Variants in ZNF469 observed in about 807,000 individuals in gnomAD.
The protein encoded by ZNF469 is zinc finger protein 469.
In ZNF469, 1 loss-of-function variant was observed where a neutral mutation model predicts 1.0. The ratio of observed to expected loss-of-function variants is 1.00; its 90% CI spans 0.35 to 4.73. The LOEUF (loss-of-function observed/expected upper bound fraction) is 4.73, where lower values mean the gene tolerates loss of function less well. Among genes scored for constraint, ZNF469 ranks in the 30% most tolerant of loss-of-function variants. The probability of loss-of-function intolerance (pLI) is 0.16; values close to 1 mark genes in which losing one functional copy is unlikely to be tolerated. For synonymous variants in ZNF469, 2,703 were observed against 2,363.4 expected, an observed-to-expected ratio of 1.14 and a Z score of -4.17; for missense variants, 6,100 against 5,356.3, an observed-to-expected ratio of 1.14 and a Z score of -4.33.
the ZNF469 span, among the ~76,000 whole-genome samples, chr16:88,180,140 G>C: frequency 2.0e-5 from 3 of 151,936 alleles, no homozygotes; most frequent in African/African-American, 4.8e-5. Flanking sequence ...AAAAGTACTT[G>C]ATCCAATAGA....
At chr16:88,368,436 T>C in the ZNF469 span, among the ~76,000 whole-genome samples, 2 of 152,222 alleles carry the variant, frequency 1.3e-5, no homozygotes, top group Non-Finnish European at 2.9e-5. Flanking sequence ...ATCCTTTCTC[T>C]TCAGGGCTTC....
chr16:88,105,416 T>TAA, the ZNF469 span, among the ~76,000 whole-genome samples: 2 of 151,922 alleles, frequency 1.3e-5, no homozygotes, highest in Non-Finnish European at 2.9e-5. Context: ...GGGATTCTCC[T>TAA]GTCTCAGTCT....
chr16:88,340,777 G>A, the ZNF469 span, among the ~76,000 whole-genome samples: 1 of 152,038 alleles, frequency 6.6e-6, no homozygotes. Context: ...GGGAGGGTGG[G>A]GCAGAGGAGA....
the ZNF469 span, among the ~76,000 whole-genome samples, chr16:88,107,349 C>A: frequency 6.6e-6 from 1 of 152,248 alleles, no homozygotes; most frequent in Non-Finnish European, 1.5e-5. Context: ...AAGCAAGAAC[C>A]TTCTTCACAA....
intron 1 of ZNF469, among the ~76,000 whole-genome samples, chr16:88,416,720 G>A (rs1314348889): frequency 6.6e-6 from 1 of 152,216 alleles, no homozygotes; most frequent in Non-Finnish European, 1.5e-5. Context: ...TTAGGGGAGG[G>A]ATGGTAACAA....
At position 88,429,546 on chromosome 16, in the gene ZNF469, C is replaced by T; in HGVS notation, c.2076C>T (p.His692=). Residue 692 remains histidine (H), a synonymous_variant, in exon 3 of 3, where the codon CAC becomes CAT. Transcript: ENST00000565624. The part of the protein sequence containing the change: ...FQCLEETPFP[H]EGPEVGRGGL... ...GCCTGGAGGAGACCCCATTCCCCCA[C>T]GAGGGCCCCGAGGTGGGTCGGGGAG... 2 of 1,550,160 alleles carry T rather than the reference C, an allele frequency of 1.3e-6. No individual in the cohort carries two copies. The highest frequency in any genetic ancestry group is 1.2e-5 in the South Asian group (1 of 84,062).
chr16:88,140,595 G>A, the ZNF469 span, among the ~76,000 whole-genome samples: 1 of 152,232 alleles, frequency 6.6e-6, no homozygotes, highest in Admixed American at 6.5e-5. Context: ...CTCTAAAACT[G>A]TGTTAATCCA....
the ZNF469 span, among the ~76,000 whole-genome samples, chr16:88,103,402 G>T: frequency 2.0e-5 from 3 of 152,228 alleles, no homozygotes; most frequent in African/African-American, 7.2e-5. Context: ...GCTGCCCAGT[G>T]CCCCTTGCCA....
chr16:88,370,169 G>A, the ZNF469 span, among the ~76,000 whole-genome samples: 9 of 152,214 alleles, frequency 5.9e-5, no homozygotes. Flanking sequence ...CAAAATGAGT[G>A]CAGACGTCTC....
chr16:88,226,362 C>T, the ZNF469 span, among the ~76,000 whole-genome samples: 3 of 152,006 alleles, frequency 2.0e-5, no homozygotes, highest in Non-Finnish European at 4.4e-5. Context: ...AGGGGAGAGG[C>T]CACGTGCAGC....
chr16:88,358,305 G>C, the ZNF469 span, among the ~76,000 whole-genome samples: 1 of 152,238 alleles, frequency 6.6e-6, no homozygotes, highest in African/African-American at 2.4e-5. Flanking sequence ...ACACCCGGGG[G>C]AGGGGGGCTG....
the ZNF469 span, chr16:88,179,071 G>A: frequency 2.0e-5 from 3 of 152,368 alleles, no homozygotes; most frequent in Non-Finnish European, 2.9e-5. Context: ...GGGTGGGTGC[G>A]TGGTCCGTGT....
the ZNF469 span, among the ~76,000 whole-genome samples, chr16:88,314,547 C>T: frequency 6.8e-5 from 10 of 147,114 alleles, no homozygotes; most frequent in Admixed American, 3.4e-4. Flanking sequence ...TATGATGATG[C>T]TGGTGTGGAC....
chr16:88,201,081 C>T, the ZNF469 span, among the ~76,000 whole-genome samples: 29 of 152,342 alleles, frequency 1.9e-4, no homozygotes, highest in East Asian at 1.5e-3. This position sits in a 1 kb window ranked among gnomAD's most constrained non-coding sequence, Gnocchi z 5.0. Flanking sequence ...ATCCTCACCC[C>T]GCAGGTCCCC....
In ZNF469 at chr16:88,440,151, G is replaced by A. The variant is rs1187486846; in HGVS notation, c.*819G>A. Reference sequence around the variant, plus strand: ...TTGCAATGTTACTCTGAAGTTTCTGGTGCTATTTTTGTGTTGTAATGTGAA... The same window carrying A: ...TTGCAATGTTACTCTGAAGTTTCTGATGCTATTTTTGTGTTGTAATGTGAA... On this transcript the variant is annotated 3_prime_UTR_variant, in exon 3 of 3. Coordinates refer to ENST00000565624, the MANE Select transcript of ZNF469 (RefSeq NM_001367624.2). 1.3e-5 allele frequency: 2 copies of A among 152,222 alleles called. No homozygotes were observed. Among genetic ancestry groups the A allele is most frequent in the Non-Finnish European group, 2.9e-5 (2 of 68,088 alleles). 9.4% of individuals were successfully genotyped at this position (152,222 alleles called of 1,614,324 possible).
intron 1 of ZNF469, among the ~76,000 whole-genome samples, chr16:88,395,948 T>G (rs1904646309): frequency 6.6e-6 from 1 of 152,220 alleles, no homozygotes; most frequent in African/African-American, 2.4e-5. Flanking sequence ...CCAGGTGAAC[T>G]CTGGAGTCAT....
intron 1 of ZNF469, among the ~76,000 whole-genome samples, chr16:88,399,661 C>T (rs56868721): frequency 1.5e-3 from 227 of 152,370 alleles, no homozygotes; most frequent in African/African-American, 5.1e-3. Flanking sequence ...TAGCAGAACA[C>T]GCTTGCTGTG....
the ZNF469 span, among the ~76,000 whole-genome samples, chr16:88,287,685 C>T: frequency 6.6e-6 from 1 of 152,218 alleles, no homozygotes; most frequent in African/African-American, 2.4e-5. Context: ...CAGCCCCCAC[C>T]CCCAGTACCC....
At chr16:88,356,527 C>T in the ZNF469 span, among the ~76,000 whole-genome samples, 3 of 151,646 alleles carry the variant, frequency 2.0e-5, no homozygotes, top group South Asian at 6.3e-4. Context: ...TGTGTATTGC[C>T]GTGTGCCTGT....
Sources: allele counts gnomAD v4.1 joint callset (sites outside exome capture counted in the v4.1 genomes callset), GRCh38; gene constraint gnomAD v4.1.1; non-coding constraint Gnocchi (gnomAD v3.1); transcripts MANE v1.5; gene names NCBI Gene and HGNC (gene_info 2026-07-23, HGNC 2026-07-21).